The following NWD1 variants were observed in gnomAD, a reference collection of about 807,000 sequenced individuals.
The protein encoded by NWD1 is NACHT domain- and WD repeat-containing protein 1.
Under a neutral mutation model 135.1 loss-of-function variants are expected in NWD1, and 129 were observed. The observed-to-expected ratio is 0.96, with a 90% confidence interval of 0.83 to 1.11. The LOEUF is 1.11. Among genes scored for constraint, NWD1 ranks in the 50% least tolerant of loss-of-function variants. NWD1 has a pLI of 0.00. For synonymous variants in NWD1, 773 were observed against 786.0 expected (o/e 0.98, Z 0.28); for missense variants, 1,740 against 1,851.3 (o/e 0.94, Z 1.10).
chr19:16,775,630 A>T (rs1323348659), intron 11 of NWD1, among the ~76,000 whole-genome samples: 2 of 151,978 alleles, frequency 1.3e-5, no homozygotes, highest in Admixed American at 1.3e-4. Context: ...GATATCTCCA[A>T]CTGTAAGGAA....
At chr19:16,735,985 T>A (rs2122723765) in intron 3 of NWD1, among the ~76,000 whole-genome samples, 4 of 146,438 alleles carry the variant, frequency 2.7e-5, no homozygotes, top group Non-Finnish European at 1.5e-5. Flanking sequence ...AAAAGATAAA[T>A]CAACATTGGT....
chr19:16,725,092 A>G (rs1292247523), intron 2 of NWD1, among the ~76,000 whole-genome samples: 1 of 148,608 alleles, frequency 6.7e-6, no homozygotes, highest in Non-Finnish European at 1.5e-5. Flanking sequence ...GCTCACTGCA[A>G]CCTCTCTGCC....
intron 11 of NWD1, among the ~76,000 whole-genome samples, chr19:16,774,509 T>C (rs77122896): frequency 0.014 from 2,084 of 151,348 alleles, 61 homozygotes; most frequent in African/African-American, 0.048. Context: ...CCATCTACCC[T>C]ACCACTGTTT....
At chr19:16,787,732 T>G (rs1970084508) in intron 12 of NWD1, among the ~76,000 whole-genome samples, 1 of 151,316 alleles carries the variant, frequency 6.6e-6, no homozygotes, top group South Asian at 2.1e-4. Context: ...CGGTGGCACA[T>G]GCCTGTAATC....
chr19:16,750,315 C>T lies in NWD1; in HGVS notation c.1673C>T (p.Thr558Ile), dbSNP rs1252871363. ...SFTVPVPLAT[T>I]AEEATHQLCT... ...ACCGTGCCTGTCCCGCTGGCCACCA[C>T]CGCAGAGGAAGCCACGCACCAACTC... The change falls in exon 6 of 19, where the codon ACC (threonine) becomes ATC (isoleucine). Residue 558 changes from threonine (T) to isoleucine (I), a missense_variant. Coordinates refer to ENST00000524140, the MANE Select transcript of NWD1 (RefSeq NM_001007525.5). The T allele has an allele frequency of 2.5e-6, 4 of 1,613,562 alleles. 1 individual carries two copies. Among genetic ancestry groups the T allele is most frequent in the South Asian group, 2.2e-5 (2 of 91,074 alleles).
intron 6 of NWD1, 86 bp downstream of exon 6, chr19:16,750,497 C>G: frequency 9.3e-7 from 1 of 1,077,344 alleles, no homozygotes; most frequent in South Asian, 1.8e-5. Context: ...CTATGTCACC[C>G]AGGCTGGAGT....
chr19:16,798,455 A>G (rs1478422844), intron 16 of NWD1, among the ~76,000 whole-genome samples: 1 of 152,012 alleles, frequency 6.6e-6, no homozygotes, highest in Non-Finnish European at 1.5e-5. Context: ...ACAAAAAAAC[A>G]CAAAAATTAG....
At chr19:16,752,860 G>C (rs112260115) in intron 6 of NWD1, among the ~76,000 whole-genome samples, 1 of 152,146 alleles carries the variant, frequency 6.6e-6, no homozygotes, top group Non-Finnish European at 1.5e-5. Context: ...TTAGCTGGGC[G>C]TGGTGGCTCA....
At chr19:16,787,281 C>T (rs1351211249) in intron 12 of NWD1, among the ~76,000 whole-genome samples, 1 of 151,948 alleles carries the variant, frequency 6.6e-6, no homozygotes, top group Admixed American at 6.6e-5. Flanking sequence ...TGCATGCCAC[C>T]CCACCTGGCT....
intron 1 of NWD1, among the ~76,000 whole-genome samples, chr19:16,721,807 T>C (rs976957966): frequency 6.6e-6 from 1 of 152,120 alleles, no homozygotes; most frequent in African/African-American, 2.4e-5. Flanking sequence ...GGGCCTTTAC[T>C]GCTGAGAAAA....
intron 5 of NWD1, among the ~76,000 whole-genome samples, chr19:16,747,110 C>T (rs888873454): frequency 9.4e-5 from 14 of 148,824 alleles, no homozygotes; most frequent in Non-Finnish European, 2.1e-4. Context: ...GATCTCAGCT[C>T]ACTCCAACCT....
intron 18 of NWD1, among the ~76,000 whole-genome samples, chr19:16,811,143 C>A (rs1258978948): frequency 6.6e-6 from 1 of 152,198 alleles, no homozygotes; most frequent in Non-Finnish European, 1.5e-5. Context: ...ATCTTACCAG[C>A]TTTTCAATTC....
intron 12 of NWD1, among the ~76,000 whole-genome samples, chr19:16,787,903 T>TC (rs1485920551): frequency 9.0e-4 from 70 of 77,734 alleles, no homozygotes; most frequent in South Asian, 1.8e-3. Context: ...ATAATAATAA[T>TC]AATCATCATC....
intron 11 of NWD1, among the ~76,000 whole-genome samples, chr19:16,778,511 TG>T (rs1453907931): frequency 2.8e-4 from 40 of 142,476 alleles, no homozygotes; most frequent in Middle Eastern, 3.6e-3. Context: ...TTTTTTTTGT[TG>T]TTGTTGTTGT....
rs1970544999 is a variant in NWD1, at chr19:16,799,939, G to C, written c.3513G>C (p.Gly1171=). 7 of 1,614,044 alleles carry C rather than the reference G, an allele frequency of 4.3e-6. No homozygotes were observed. Among genetic ancestry groups the C allele is most frequent in the Non-Finnish European group, 5.9e-6 (7 of 1,179,978 alleles). The part of the protein sequence containing the change: ...GTLLDILEGV[G]APVSLLARGG... Reference sequence around the variant, plus strand: ...TTCTGGACATCCTGGAAGGCGTCGGGGCCCCCGTGAGCCTGCTGGCCCGCG... The same window carrying C: ...TTCTGGACATCCTGGAAGGCGTCGGCGCCCCCGTGAGCCTGCTGGCCCGCG... The change falls in exon 17 of 19, where the codon GGG becomes GGC. Residue 1171 remains glycine (G), a synonymous_variant. Transcript: ENST00000524140.
chr19:16,797,942 A>G (rs1970476250), intron 16 of NWD1, 56 bp downstream of exon 16: 1 of 1,518,412 alleles, frequency 6.6e-7, no homozygotes, highest in African/African-American at 1.4e-5. Flanking sequence ...ACAGACACTG[A>G]TTCTTTAGGG....
intron 5 of NWD1, chr19:16,745,220 CT>C: frequency 2.7e-6 from 1 of 372,958 alleles, no homozygotes; most frequent in Admixed American, 3.3e-5. Context: ...GACTTATTCA[CT>C]ACCACGAGAA....
chr19:16,771,406 C>T (rs987041239), intron 10 of NWD1, among the ~76,000 whole-genome samples: 1 of 152,138 alleles, frequency 6.6e-6, no homozygotes, highest in Admixed American at 6.6e-5. Flanking sequence ...GCCGAGATCA[C>T]GCCACCGCAC....
At chr19:16,767,673 G>A (rs575536505) in intron 10 of NWD1, among the ~76,000 whole-genome samples, 5 of 152,030 alleles carry the variant, frequency 3.3e-5, no homozygotes, top group Admixed American at 6.6e-5. Flanking sequence ...GAACAGCATG[G>A]GGGAACCACC....
Sources: allele counts gnomAD v4.1 joint callset (sites outside exome capture counted in the v4.1 genomes callset), GRCh38; gene constraint gnomAD v4.1.1; transcripts MANE v1.5; gene names NCBI Gene and HGNC (gene_info 2026-07-23, HGNC 2026-07-21).